The following ETS1 variants were observed in gnomAD, a reference collection of about 807,000 sequenced individuals.
ETS1 encodes the protein protein C-ets-1.
Under a neutral mutation model 58.6 loss-of-function variants are expected in ETS1, and 15 were observed. The observed-to-expected ratio is 0.26, with a 90% CI of 0.17 to 0.39. The LOEUF (loss-of-function observed/expected upper bound fraction) is 0.39, where lower values mean the gene tolerates loss of function less well. ETS1 is among the 10% of genes least tolerant of loss of function. The pLI, the probability that ETS1 is intolerant of heterozygous loss-of-function variation, is 1.00. For synonymous variants in ETS1, 214 were observed against 218.2 expected (o/e 0.98, Z 0.17); for missense variants, 417 against 610.5 (o/e 0.68, Z 3.34).
At chr11:128,548,785 C>A (rs1304578937) in intron 3 of ETS1, among the ~76,000 whole-genome samples, 1 of 152,204 alleles carries the variant, frequency 6.6e-6, no homozygotes, top group Non-Finnish European at 1.5e-5. Flanking sequence ...CCTGCGCCCG[C>A]GTTGCTGGCA....
chr11:128,475,247 T>G (rs1397024587), intron 8 of ETS1, among the ~76,000 whole-genome samples: 1 of 152,270 alleles, frequency 6.6e-6, no homozygotes, highest in Non-Finnish European at 1.5e-5. Context: ...CAATCGAGCC[T>G]TCCTTCAGAA....
At chr11:128,551,934 T>G (rs1864235635) in intron 3 of ETS1, among the ~76,000 whole-genome samples, 1 of 152,192 alleles carries the variant, frequency 6.6e-6, no homozygotes, top group Non-Finnish European at 1.5e-5. Flanking sequence ...ATGCAAATTT[T>G]TGAGCCTTAG....
At chr11:128,529,602 C>G (rs1477359695) in intron 3 of ETS1, among the ~76,000 whole-genome samples, 1 of 152,164 alleles carries the variant, frequency 6.6e-6, no homozygotes, top group Non-Finnish European at 1.5e-5. Flanking sequence ...ATGATTTCTC[C>G]TGAGTTCTGA....
chr11:128,497,701 T>C (rs763845044), intron 3 of ETS1: 5 of 395,528 alleles, frequency 1.3e-5, no homozygotes, highest in Non-Finnish European at 1.4e-5. Flanking sequence ...ATTGCAGGCA[T>C]GTTCCCAAAT....
rs189623637 is a variant in ETS1 at position 128,476,681 on chromosome 11, G to C, written c.1123+3510C>G. Among the ~76,000 whole-genome samples the C allele has an allele frequency of 2.6e-5, 4 of 152,336 alleles. No homozygotes were observed. In the East Asian group the frequency reaches 7.7e-4, roughly 29 times the overall value. ...AGGACTTGGAAAGCGTTTTGCTTAG[G>C]TCTATAAAATGTATATAGAAAGCAT... On this transcript the variant is annotated intron_variant, in intron 8 of 9. Transcript: ENST00000392668.
At chr11:128,585,023 GAAA>G (rs1437456598) in intron 1 of ETS1, among the ~76,000 whole-genome samples, 36 of 8,884 alleles carry the variant, frequency 4.1e-3, no homozygotes, top group African/African-American at 0.013. Context: ...AAAGAAAGAA[GAAA>G]GAAAGAAAAG....
chr11:128,578,091 A>C (rs1322963397), intron 1 of ETS1, among the ~76,000 whole-genome samples: 1 of 152,172 alleles, frequency 6.6e-6, no homozygotes, highest in African/African-American at 2.4e-5. Flanking sequence ...GCTTGATTCT[A>C]GAGAGTTCTA....
chr11:128,489,371 G>A lies in ETS1; in HGVS notation c.454C>T (p.Leu152=). The A allele has an allele frequency of 6.2e-7, 1 of 1,614,158 alleles. No homozygotes were observed. The highest frequency in any genetic ancestry group is 8.5e-7 in the Non-Finnish European group (1 of 1,180,024). Residue 152 remains leucine (L), a synonymous_variant, in exon 5 of 10, where the codon CTG becomes TTG. Coordinates refer to ENST00000392668, the MANE Select transcript of ETS1 (RefSeq NM_001143820.2). ...AGCTCGAGAAAGCAGTCTTTACCCA[G>A]GGCGCAGAGGGCTGCTCCATTCATA... ...FCMNGAALCA[L]GKDCFLELAP...
At chr11:128,530,686 A>T (rs893896756) in intron 3 of ETS1, among the ~76,000 whole-genome samples, 1 of 152,194 alleles carries the variant, frequency 6.6e-6, no homozygotes, top group African/African-American at 2.4e-5. Flanking sequence ...CTGGGTGGGA[A>T]GCTGGCAATG....
intron 3 of ETS1, among the ~76,000 whole-genome samples, chr11:128,510,060 GT>G (rs1237052831): frequency 6.6e-6 from 1 of 152,148 alleles, no homozygotes; most frequent in African/African-American, 2.4e-5. Flanking sequence ...AGAATGTTTG[GT>G]TTCCATTAGG....
At chr11:128,525,190 C>G (rs753435771) in intron 3 of ETS1, among the ~76,000 whole-genome samples, 1 of 151,548 alleles carries the variant, frequency 6.6e-6, no homozygotes, top group African/African-American at 2.4e-5. Flanking sequence ...ACACTAGGAA[C>G]GTGAAGTCAA....
intron 8 of ETS1, among the ~76,000 whole-genome samples, chr11:128,469,187 C>A (rs753830279): frequency 5.3e-5 from 8 of 152,210 alleles, no homozygotes; most frequent in Non-Finnish European, 8.8e-5. Flanking sequence ...AGAAGCTAAT[C>A]CCTTTAGCTC....
intron 8 of ETS1, among the ~76,000 whole-genome samples, chr11:128,478,124 G>C (rs966155328): frequency 1.3e-5 from 2 of 152,100 alleles, no homozygotes; most frequent in South Asian, 2.1e-4. Context: ...ATGGTAAGAG[G>C]CTTCAAAAAT....
At chr11:128,492,424 C>G (rs1389775810) in intron 3 of ETS1, among the ~76,000 whole-genome samples, 2 of 152,200 alleles carry the variant, frequency 1.3e-5, no homozygotes, top group Admixed American at 1.3e-4. Flanking sequence ...AGAGTCCAGG[C>G]TGTGCCCTGG....
intron 1 of ETS1, among the ~76,000 whole-genome samples, chr11:128,584,978 G>GAAAGAAAGAAAGAAAGAAAGAAAGA (rs1212426438): frequency 1.2e-4 from 1 of 8,020 alleles, no homozygotes; most frequent in Non-Finnish European, 2.4e-4. Flanking sequence ...AAGAAAGAAA[G>GAAAGAAAGAAAGAAAGAAAGAAAGA]AAAGAAAGAA....
At chr11:128,523,125 T>C (rs929536186) in intron 3 of ETS1, among the ~76,000 whole-genome samples, 1 of 152,234 alleles carries the variant, frequency 6.6e-6, no homozygotes, top group Non-Finnish European at 1.5e-5. Context: ...TGTCTTTCCT[T>C]TCACAGACTC....
chr11:128,503,510 A>C (rs1863145260), intron 3 of ETS1, among the ~76,000 whole-genome samples: 1 of 152,202 alleles, frequency 6.6e-6, no homozygotes, highest in African/African-American at 2.4e-5. Context: ...TAACAAGCAA[A>C]CATACTAGTA....
intron 1 of ETS1, among the ~76,000 whole-genome samples, chr11:128,580,985 A>G (rs200895663): frequency 2.0e-5 from 3 of 152,238 alleles, no homozygotes; most frequent in Admixed American, 6.5e-5. Flanking sequence ...AATTTTAAAG[A>G]GTATATTGTT....
intron 3 of ETS1, among the ~76,000 whole-genome samples, chr11:128,551,490 A>T (rs1018075107): frequency 6.6e-6 from 1 of 152,196 alleles, no homozygotes; most frequent in Admixed American, 6.5e-5. Flanking sequence ...TTGTTAGTAA[A>T]TTTGTTTTAG....
Sources: gnomAD v4.1 joint callset for allele counts (sites outside exome capture counted in the v4.1 genomes callset) on GRCh38, gnomAD v4.1.1 for gene constraint, MANE v1.5 for transcripts, NCBI Gene and HGNC (gene_info 2026-07-23, HGNC 2026-07-21) for gene names.